FHIT: variants seen among roughly 807,000 people sequenced by gnomAD.
The protein encoded by FHIT is bis(5'-adenosyl)-triphosphatase.
Under a neutral mutation model 17.9 loss-of-function variants are expected in FHIT, and 19 were observed. That is an observed-to-expected ratio of 1.06 (90% confidence interval 0.74 to 1.56). FHIT has a LOEUF of 1.56. Ranked by LOEUF, FHIT falls within the 40% of genes most tolerant of loss-of-function variation. The pLI is 0.00. For synonymous variants in FHIT, 81 were observed against 69.7 expected, an observed-to-expected ratio of 1.16 and a Z score of -0.81; for missense variants, 248 against 189.2, an observed-to-expected ratio of 1.31 and a Z score of -1.82.
At chr3:60,442,948 T>C (rs940928960) in intron 5 of FHIT, among the ~76,000 whole-genome samples, 3 of 152,126 alleles carry the variant, frequency 2.0e-5, no homozygotes, top group African/African-American at 2.4e-5. Flanking sequence ...TTTTATTTCA[T>C]TGAGCAGTGG....
chr3:60,637,345 T>C (rs2039613983), intron 4 of FHIT, among the ~76,000 whole-genome samples: 1 of 152,152 alleles, frequency 6.6e-6, no homozygotes, highest in African/African-American at 2.4e-5. Flanking sequence ...TTGTCTTTCA[T>C]TTCTCCCCTT....
intron 8 of FHIT, among the ~76,000 whole-genome samples, chr3:59,820,975 T>A (rs529750824): frequency 6.6e-6 from 1 of 152,252 alleles, no homozygotes; most frequent in South Asian, 2.1e-4. Flanking sequence ...GGAAAGAAGA[T>A]GTTTATGGGA....
chr3:60,760,613 T>G (rs1156566882), intron 4 of FHIT, among the ~76,000 whole-genome samples: 4 of 93,298 alleles, frequency 4.3e-5, no homozygotes, highest in Non-Finnish European at 8.6e-5. Flanking sequence ...AAAGTTTCTC[T>G]ACTTAGCCCA....
In FHIT at chr3:60,764,238, T is replaced by C. The variant is rs556677283; in HGVS notation, c.-18+57681A>G. ...TCAGGGTAAAACTGTCCTATCTGGG[T>C]AGGAAAATGCACACACACACACACA... On this transcript the variant is annotated intron_variant, in intron 4 of 9. Coordinates refer to ENST00000492590, the MANE Select transcript of FHIT (RefSeq NM_002012.4). Among the ~76,000 whole-genome samples, 14 of 145,160 alleles carry C rather than the reference T, an allele frequency of 9.6e-5. No homozygotes were observed. In the South Asian group the frequency reaches 2.3e-3, roughly 24 times the overall value.
intron 7 of FHIT, among the ~76,000 whole-genome samples, chr3:59,986,897 TTTATA>T (rs1453079680): frequency 8.5e-5 from 10 of 118,080 alleles, no homozygotes; most frequent in Non-Finnish European, 9.7e-5. Flanking sequence ...ATTCATATAT[TTTATA>T]TTATATATTA....
chr3:60,695,041 C>A (rs555670004), intron 4 of FHIT, among the ~76,000 whole-genome samples: 115 of 152,072 alleles, frequency 7.6e-4, no homozygotes, highest in African/African-American at 2.5e-3. Flanking sequence ...TGCACATGTA[C>A]CCTAGAACTT....
At position 60,527,267 on chromosome 3, in the gene FHIT, C is replaced by G. The variant is rs2035610732; in HGVS notation, c.103+9593G>C. ...TCTAGGCCTCTGCATGTGAAACACTCTAGATTTTCATGTAATTCCTGTTGA... is the reference window on the plus strand; with the variant it reads ...TCTAGGCCTCTGCATGTGAAACACTGTAGATTTTCATGTAATTCCTGTTGA... On this transcript the variant is annotated intron_variant, in intron 5 of 9. Coordinates refer to ENST00000492590, the MANE Select transcript of FHIT (RefSeq NM_002012.4). Among the ~76,000 whole-genome samples the G allele has an allele frequency of 1.3e-5, 2 of 152,156 alleles. 1 individual carries two copies. Among genetic ancestry groups the G allele is most frequent in the South Asian group, 4.1e-4 (2 of 4,824 alleles).
At chr3:60,423,079 C>A (rs1702534332) in intron 5 of FHIT, among the ~76,000 whole-genome samples, 1 of 151,988 alleles carries the variant, frequency 6.6e-6, no homozygotes, top group African/African-American at 2.4e-5. Flanking sequence ...CTAGACATAC[C>A]CAACGGAACA....
At chr3:60,984,091 C>T (rs924200017) in intron 3 of FHIT, among the ~76,000 whole-genome samples, 3 of 152,176 alleles carry the variant, frequency 2.0e-5, no homozygotes, top group Non-Finnish European at 4.4e-5. Context: ...TGTGGATCTT[C>T]TTGATATTGC....
chr3:60,442,711 C>T (rs886713721), intron 5 of FHIT, among the ~76,000 whole-genome samples: 2 of 152,120 alleles, frequency 1.3e-5, no homozygotes, highest in Admixed American at 6.6e-5. Flanking sequence ...TAGTGTGATG[C>T]CTCTAGCTTT....
intron 2 of FHIT, among the ~76,000 whole-genome samples, chr3:61,180,675 G>C (rs566238449): frequency 6.6e-6 from 1 of 152,308 alleles, no homozygotes; most frequent in South Asian, 2.1e-4. Context: ...CAAAAAATAA[G>C]TTGATTCAGT....
intron 4 of FHIT, among the ~76,000 whole-genome samples, chr3:60,678,910 G>A (rs12633258): frequency 0.066 from 9,741 of 148,448 alleles, 840 homozygotes; most frequent in East Asian, 0.45. Context: ...ATATCATCTC[G>A]TTTTCCATCT....
At chr3:60,268,731 C>G (rs552004773) in intron 5 of FHIT, among the ~76,000 whole-genome samples, 1 of 152,262 alleles carries the variant, frequency 6.6e-6, no homozygotes, top group African/African-American at 2.4e-5. Flanking sequence ...CTATAGATGT[C>G]CATGTCCTAA....
chr3:61,206,864 G>T (rs1334654065), intron 1 of FHIT, among the ~76,000 whole-genome samples: 1 of 152,112 alleles, frequency 6.6e-6, no homozygotes, highest in African/African-American at 2.4e-5. Flanking sequence ...TATTGAATAG[G>T]AGTGGTGAGA....
intron 9 of FHIT, chr3:59,751,115 C>CAA (rs1051095349): frequency 2.2e-5 from 4 of 180,330 alleles, no homozygotes; most frequent in African/African-American, 9.5e-5. Context: ...GAAAAAAATA[C>CAA]AAGATACCAG....
intron 5 of FHIT, among the ~76,000 whole-genome samples, chr3:60,385,999 A>G (rs1317429325): frequency 6.6e-6 from 1 of 152,134 alleles, no homozygotes; most frequent in South Asian, 2.1e-4. Context: ...AGAGCTGACT[A>G]TGTAGCAGGT....
At chr3:60,366,441 C>T (rs58687504) in intron 5 of FHIT, among the ~76,000 whole-genome samples, 21,297 of 152,180 alleles carry the variant, frequency 0.14, 2,341 homozygotes, top group African/African-American at 0.29. Context: ...CCCCTTTTCA[C>T]ATGCCATCTC....
intron 4 of FHIT, among the ~76,000 whole-genome samples, chr3:60,585,020 C>A (rs2037862222): frequency 6.6e-6 from 1 of 151,932 alleles, no homozygotes; most frequent in Non-Finnish European, 1.5e-5. Flanking sequence ...TCACTTCAGG[C>A]ATCAACAAAA....
At chr3:61,078,608 T>G (rs946484483) in intron 2 of FHIT, among the ~76,000 whole-genome samples, 3 of 152,182 alleles carry the variant, frequency 2.0e-5, no homozygotes, top group Non-Finnish European at 4.4e-5. Flanking sequence ...CTAGTCAGTT[T>G]AAAGACTGAT....
Sources: allele counts gnomAD v4.1 joint callset (sites outside exome capture counted in the v4.1 genomes callset), GRCh38; gene constraint gnomAD v4.1.1; transcripts MANE v1.5; gene names NCBI Gene and HGNC (gene_info 2026-07-23, HGNC 2026-07-21).